The following GPR161 variants were observed in gnomAD, a reference collection of about 807,000 sequenced individuals.
GPR161 encodes G protein-coupled receptor 161.
GPR161 carries 25 observed loss-of-function variants against 39.2 expected under a neutral mutation model. The observed-to-expected ratio is 0.64, with a 90% CI of 0.47 to 0.89. The LOEUF (loss-of-function observed/expected upper bound fraction) is 0.89. GPR161 is among the 40% of genes least tolerant of loss of function. The pLI is 0.00. For synonymous variants in GPR161, 286 were observed against 276.6 expected (o/e 1.03, Z -0.34); for missense variants, 547 against 677.8 (o/e 0.81, Z 2.14).
intron 2 of GPR161, among the ~76,000 whole-genome samples, chr1:168,097,965 C>G (rs2102145078): frequency 6.6e-6 from 1 of 152,336 alleles, no homozygotes; most frequent in South Asian, 2.1e-4. Context: ...TCTGTGTAAG[C>G]CTTCTTGTTC....
In GPR161 at chr1:168,080,641, AGTCACTCT is replaced by A. The variant is rs1694001768; in HGVS notation, c.*4882_*4889del. 1 of 152,252 alleles carries A rather than the reference AGTCACTCT, an allele frequency of 6.6e-6. No individual in the cohort carries two copies. The highest frequency in any genetic ancestry group is 2.4e-5 in the African/African-American group (1 of 41,454). 9.4% of individuals were successfully genotyped at this position (152,252 alleles called of 1,614,324 possible). ...GTGAACCCAAGAGCCACAGCCAGGC[AGTCACTCT>A]GTCACTACAGGACAGAGCTGTCCTC... On this transcript the variant is annotated 3_prime_UTR_variant, in exon 6 of 6. Coordinates refer to ENST00000682931, the MANE Select transcript of GPR161 (RefSeq NM_001375883.1).
At chr1:168,119,257 CGTATATATATGTGTATAT>C (rs1697940671) in intron 1 of GPR161, among the ~76,000 whole-genome samples, 2 of 97,934 alleles carry the variant, frequency 2.0e-5, no homozygotes, top group African/African-American at 5.5e-5. Flanking sequence ...TATATATATA[CGTATATATATGTGTATAT>C]ATATATATAT....
chr1:168,107,389 C>T (rs1360336955), intron 1 of GPR161, among the ~76,000 whole-genome samples: 1 of 152,130 alleles, frequency 6.6e-6, no homozygotes, highest in Non-Finnish European at 1.5e-5. Context: ...GCTCTGCTCT[C>T]GTGAATGGAA....
At chr1:168,091,308 T>A (rs1305951129) in intron 3 of GPR161, among the ~76,000 whole-genome samples, 1 of 151,754 alleles carries the variant, frequency 6.6e-6, no homozygotes, top group East Asian at 1.9e-4. Flanking sequence ...GGAGAGAGAG[T>A]GAGCCCCGGG....
chr1:168,122,943 G>C (rs1698298019), intron 1 of GPR161, among the ~76,000 whole-genome samples: 1 of 152,220 alleles, frequency 6.6e-6, no homozygotes, highest in Admixed American at 6.5e-5. Flanking sequence ...TCAGCACCTA[G>C]AAAAGTGCCT....
rs369495738 is a variant in GPR161 at position 168,093,829 on chromosome 1, G to A, written c.1099+2679C>T. Among the ~76,000 whole-genome samples the A allele has an allele frequency of 6.4e-4, 97 of 152,366 alleles. 1 individual carries two copies. The South Asian group carries it at 0.018, about 29-fold the overall frequency. On this transcript the variant is annotated intron_variant, in intron 3 of 5. Transcript: ENST00000682931. ...CAGAAAGCCATGGACAGCGCAGGGT[G>A]AGCGGCTGGGCTGGGGCGCCACATT...
At chr1:168,124,960 A>T (rs183547383) in intron 1 of GPR161, among the ~76,000 whole-genome samples, 183 of 152,328 alleles carry the variant, frequency 1.2e-3, no homozygotes, top group African/African-American at 4.4e-3. Context: ...CCATTAGCCA[A>T]ATAAACTTCT....
intron 3 of GPR161, among the ~76,000 whole-genome samples, chr1:168,092,787 C>T (rs1474037087): frequency 6.6e-6 from 1 of 152,220 alleles, no homozygotes; most frequent in Non-Finnish European, 1.5e-5. Context: ...CGCCCTCAAG[C>T]TAGGCCTTCT....
At chr1:168,122,404 T>A (rs1698249860) in intron 1 of GPR161, among the ~76,000 whole-genome samples, 1 of 152,158 alleles carries the variant, frequency 6.6e-6, no homozygotes, top group Non-Finnish European at 1.5e-5. Flanking sequence ...TTCCCACGAA[T>A]CTACCTGCTT....
Position 168,104,870 on chromosome 1 carries a change from G to C in GPR161, c.-20C>G, listed in dbSNP as rs946812734. 1 of 1,610,294 alleles carries C rather than the reference G, an allele frequency of 6.2e-7. No homozygotes were observed. Among genetic ancestry groups the C allele is most frequent in the Non-Finnish European group, 8.5e-7 (1 of 1,177,018 alleles). On this transcript the variant is annotated 5_prime_UTR_variant, in exon 2 of 6. Transcript: ENST00000682931. ...GCTCATGGTCAGTGCACCTCGGCGT[G>C]GGGTGGGCAGAGCATGCTGGACGAC...
chr1:168,092,083 C>T (rs890969420), intron 3 of GPR161, among the ~76,000 whole-genome samples: 8 of 152,216 alleles, frequency 5.3e-5, no homozygotes, highest in Non-Finnish European at 1.0e-4. Flanking sequence ...TCAGAACTTC[C>T]CTCTCGCTGC....
intron 3 of GPR161, among the ~76,000 whole-genome samples, chr1:168,091,657 A>G (rs1695079948): frequency 6.6e-6 from 1 of 152,192 alleles, no homozygotes; most frequent in African/African-American, 2.4e-5. Context: ...AAAGACAGAG[A>G]TGGGAAAAAA....
chr1:168,120,010 A>G (rs1182322396), intron 1 of GPR161, among the ~76,000 whole-genome samples: 3 of 152,220 alleles, frequency 2.0e-5, no homozygotes, highest in Admixed American at 6.5e-5. Context: ...GTGGGGTTGG[A>G]GCCCCACACG....
intron 1 of GPR161, among the ~76,000 whole-genome samples, chr1:168,126,748 C>T (rs1698623407): frequency 6.6e-6 from 1 of 152,190 alleles, no homozygotes; most frequent in Admixed American, 6.5e-5. Context: ...GTCACCACAC[C>T]CGGCCATAAT....
intron 1 of GPR161, among the ~76,000 whole-genome samples, chr1:168,124,345 G>A (rs1449999121): frequency 6.6e-6 from 1 of 152,072 alleles, no homozygotes; most frequent in Admixed American, 6.6e-5. Context: ...TGAATTGGTC[G>A]AGTTTTATTA....
intron 1 of GPR161, among the ~76,000 whole-genome samples, chr1:168,118,202 A>C (rs1301800068): frequency 6.6e-6 from 1 of 152,204 alleles, no homozygotes; most frequent in East Asian, 1.9e-4. Flanking sequence ...AAAGACGACA[A>C]CCCACAGATC....
chr1:168,117,862 T>A (rs1388734463), intron 1 of GPR161, among the ~76,000 whole-genome samples: 11 of 152,186 alleles, frequency 7.2e-5, no homozygotes, highest in Non-Finnish European at 2.9e-5. Context: ...TGCCGCACTC[T>A]CCCATTTCCA....
At chr1:168,095,002 C>T (rs755316822) in intron 3 of GPR161, among the ~76,000 whole-genome samples, 4 of 152,158 alleles carry the variant, frequency 2.6e-5, no homozygotes, top group Non-Finnish European at 5.9e-5. Context: ...CCACCTTAAC[C>T]GAGAGATCAA....
intron 1 of GPR161, chr1:168,135,165 G>T (rs1572403054): frequency 8.3e-7 from 1 of 1,206,002 alleles, no homozygotes; most frequent in Non-Finnish European, 1.1e-6. Context: ...GCAGGGAGAA[G>T]CCCTGAGTTA....
Sources: allele counts gnomAD v4.1 joint callset (sites outside exome capture counted in the v4.1 genomes callset), GRCh38; gene constraint gnomAD v4.1.1; transcripts MANE v1.5; gene names NCBI Gene and HGNC (gene_info 2026-07-23, HGNC 2026-07-21).